The following EPHB1 variants were observed in gnomAD, a reference collection of about 807,000 sequenced individuals.
EPHB1 encodes EPH receptor B1, also known as ephrin type-B receptor 1.
Under a neutral mutation model 94.4 loss-of-function variants are expected in EPHB1, and 30 were observed. That is an observed-to-expected ratio of 0.32 (90% CI 0.24 to 0.43). The LOEUF (loss-of-function observed/expected upper bound fraction) is 0.43, where lower values mean the gene tolerates loss of function less well. Among genes scored for constraint, EPHB1 ranks in the 20% least tolerant of loss-of-function variants. The pLI is 1.00. For missense variants in EPHB1, 1,055 were observed against 1,308.3 expected (o/e 0.81, Z 2.99); for synonymous variants, 522 against 489.1 (o/e 1.07, Z -0.89).
chr3:135,140,144 C>T (rs1429394363), intron 5 of EPHB1, among the ~76,000 whole-genome samples: 2 of 152,190 alleles, frequency 1.3e-5, no homozygotes, highest in Non-Finnish European at 2.9e-5. Flanking sequence ...CTCATATCCA[C>T]ATGAGATTGT....
chr3:134,827,473 T>A (rs1418369626), intron 1 of EPHB1, among the ~76,000 whole-genome samples: 1 of 152,238 alleles, frequency 6.6e-6, no homozygotes, highest in Non-Finnish European at 1.5e-5. Context: ...AAGATGCTAT[T>A]GGGACTGTTC....
At chr3:134,890,076 A>G (rs909460449) in intron 1 of EPHB1, among the ~76,000 whole-genome samples, 90 of 152,128 alleles carry the variant, frequency 5.9e-4, no homozygotes, top group Non-Finnish European at 5.4e-4. Flanking sequence ...AATATCCCCA[A>G]TATACTCTAC....
At chr3:135,133,653 T>C (rs781620443) in intron 5 of EPHB1, among the ~76,000 whole-genome samples, 3 of 143,812 alleles carry the variant, frequency 2.1e-5, no homozygotes, top group Non-Finnish European at 3.1e-5. Context: ...ATGAATGATA[T>C]GCTGCTGTTG....
In EPHB1 at chr3:134,969,514, G is replaced by T. The variant is rs536100390; in HGVS notation, c.805+17462G>T. Among the ~76,000 whole-genome samples, 3 of 152,166 alleles carry T rather than the reference G, an allele frequency of 2.0e-5. No individual in the cohort carries two copies. In the East Asian group the frequency reaches 5.8e-4, roughly 29 times the overall value. On this transcript the variant is annotated intron_variant, in intron 3 of 15. Transcript: ENST00000398015. ...CAGGGGAGAGCCAATTCTTAGACAC[G>T]CTAGTTTCTGTTTCTGATCTGTGAT...
intron 3 of EPHB1, among the ~76,000 whole-genome samples, chr3:135,065,161 T>C (rs1937565065): frequency 6.6e-6 from 1 of 152,172 alleles, no homozygotes; most frequent in Non-Finnish European, 1.5e-5. Context: ...CACTGTTGAA[T>C]AGAATGTGTA....
chr3:135,239,308 G>A lies in EPHB1; in HGVS notation c.2347-1840G>A, dbSNP rs368993787. 1.4e-4 allele frequency among the ~76,000 whole-genome samples: 21 copies of A among 151,810 alleles called. 1 individual carries two copies. Among genetic ancestry groups the A allele is most frequent in the Admixed American group, 1.0e-3 (16 of 15,274 alleles). ...CTCCTTTTTTTTTTCTGCCTAGCTCGGGTTAACCATTTTTACATTTTTACA... is the reference window on the plus strand; with the variant it reads ...CTCCTTTTTTTTTTCTGCCTAGCTCAGGTTAACCATTTTTACATTTTTACA... On this transcript the variant is annotated intron_variant, in intron 12 of 15. Transcript: ENST00000398015.
chr3:135,239,647 A>G (rs1317557202), intron 12 of EPHB1, among the ~76,000 whole-genome samples: 1 of 152,130 alleles, frequency 6.6e-6, no homozygotes, highest in Non-Finnish European at 1.5e-5. Flanking sequence ...CTTGGCAAGA[A>G]CCCTGTTTAA....
At chr3:135,116,901 C>G (rs1939743351) in intron 4 of EPHB1, among the ~76,000 whole-genome samples, 1 of 152,308 alleles carries the variant, frequency 6.6e-6, no homozygotes, top group East Asian at 1.9e-4. Context: ...AGGACCATGA[C>G]TTTCCAGATT....
At chr3:134,895,687 A>C (rs1560286013) in intron 1 of EPHB1, among the ~76,000 whole-genome samples, 1 of 152,228 alleles carries the variant, frequency 6.6e-6, no homozygotes, top group Non-Finnish European at 1.5e-5. Context: ...TATAAGCTCT[A>C]AGAGGAAAAG....
intron 2 of EPHB1, among the ~76,000 whole-genome samples, chr3:134,939,589 G>A (rs2107708983): frequency 6.6e-6 from 1 of 152,314 alleles, no homozygotes; most frequent in South Asian, 2.1e-4. Flanking sequence ...TAGCCCTCTA[G>A]CTTGTCTAAT....
At chr3:134,798,419 G>A (rs2108281378) in intron 1 of EPHB1, among the ~76,000 whole-genome samples, 1 of 152,300 alleles carries the variant, frequency 6.6e-6, no homozygotes, top group South Asian at 2.1e-4. Context: ...AATCAGGCAG[G>A]AGGACTGTTG....
intron 3 of EPHB1, among the ~76,000 whole-genome samples, chr3:135,000,697 A>G (rs1421089852): frequency 6.6e-6 from 1 of 152,214 alleles, no homozygotes; most frequent in Admixed American, 6.5e-5. Context: ...AATTGTGTGC[A>G]GTTGGCCCGT....
intron 3 of EPHB1, among the ~76,000 whole-genome samples, chr3:135,069,135 C>T (rs1226075407): frequency 6.6e-6 from 1 of 151,218 alleles, no homozygotes; most frequent in Admixed American, 6.6e-5. Context: ...TTACCTGATC[C>T]AAGGTCACAA....
intron 3 of EPHB1, among the ~76,000 whole-genome samples, chr3:134,999,674 A>G (rs949304619): frequency 3.3e-5 from 5 of 152,146 alleles, no homozygotes; most frequent in African/African-American, 1.2e-4. Flanking sequence ...AAGAAGGAAA[A>G]AGAAGGATGA....
At chr3:135,052,241 A>G (rs1308097347) in intron 3 of EPHB1, among the ~76,000 whole-genome samples, 2 of 152,172 alleles carry the variant, frequency 1.3e-5, no homozygotes, top group African/African-American at 4.8e-5. Context: ...AATGAACTTG[A>G]TGGAACAGTG....
chr3:134,965,846 T>G (rs1933720605), intron 3 of EPHB1, among the ~76,000 whole-genome samples: 1 of 151,926 alleles, frequency 6.6e-6, no homozygotes, highest in South Asian at 2.1e-4. Context: ...TCACACTGAC[T>G]TGGACATCCA....
At chr3:134,942,171 G>A (rs538363647) in intron 2 of EPHB1, among the ~76,000 whole-genome samples, 2 of 152,304 alleles carry the variant, frequency 1.3e-5, no homozygotes, top group East Asian at 1.9e-4. Context: ...AGAATAGGCC[G>A]GGGCTCTGCT....
intron 11 of EPHB1, among the ~76,000 whole-genome samples, chr3:135,193,200 C>T (rs1374299270): frequency 3.9e-5 from 6 of 152,228 alleles, no homozygotes. Flanking sequence ...CACAGCCACC[C>T]TCCCAGACTG....
chr3:135,206,271 G>A (rs1273435576), intron 12 of EPHB1, among the ~76,000 whole-genome samples: 1 of 152,126 alleles, frequency 6.6e-6, no homozygotes, highest in African/African-American at 2.4e-5. Flanking sequence ...TAGACACCAG[G>A]AATATTCCGG....
Sources: allele counts gnomAD v4.1 joint callset (sites outside exome capture counted in the v4.1 genomes callset), GRCh38; gene constraint gnomAD v4.1.1; transcripts MANE v1.5; gene names NCBI Gene and HGNC (gene_info 2026-07-23, HGNC 2026-07-21).